The following NR2F1-AS1 variants were observed in gnomAD, a reference collection of about 807,000 sequenced individuals.
The protein encoded by NR2F1-AS1 is NR2F1 antisense RNA 1.
intron 4 of NR2F1-AS1, among the ~76,000 whole-genome samples, chr5:93,547,552 C>T (rs1292281262): frequency 6.6e-6 from 1 of 151,982 alleles, no homozygotes; most frequent in East Asian, 1.9e-4. Context: ...GCAAGGAGGC[C>T]TAGAATAATA....
At chr5:93,512,715 CTA>C (rs1300452341) in intron 4 of NR2F1-AS1, among the ~76,000 whole-genome samples, 1 of 152,034 alleles carries the variant, frequency 6.6e-6, no homozygotes, top group Non-Finnish European at 1.5e-5. Flanking sequence ...CGTAGTTTTT[CTA>C]TGTTTTGATA....
chr5:93,412,280 G>C (rs1748873544), intron 4 of NR2F1-AS1, among the ~76,000 whole-genome samples: 1 of 152,104 alleles, frequency 6.6e-6, no homozygotes, highest in South Asian at 2.1e-4. Flanking sequence ...TGGCCTCCTA[G>C]CTAGGCCTAG....
chr5:93,511,430 G>A (rs1751293381), intron 4 of NR2F1-AS1, among the ~76,000 whole-genome samples: 2 of 152,148 alleles, frequency 1.3e-5, no homozygotes, highest in Admixed American at 6.6e-5. Flanking sequence ...AGCTTGCAAG[G>A]AGCAGATCAC....
intron 4 of NR2F1-AS1, among the ~76,000 whole-genome samples, chr5:93,426,553 T>A (rs1156269044): frequency 6.6e-6 from 1 of 152,202 alleles, no homozygotes; most frequent in Non-Finnish European, 1.5e-5. Flanking sequence ...TACTGACAAT[T>A]CATTTTGTGC....
chr5:93,506,964 A>G (rs1470897984), intron 4 of NR2F1-AS1, among the ~76,000 whole-genome samples: 1 of 152,184 alleles, frequency 6.6e-6, no homozygotes, highest in East Asian at 1.9e-4. Context: ...ATATCATCTA[A>G]ATGTCTATGT....
At chr5:93,449,324 T>C (rs1218493957) in intron 4 of NR2F1-AS1, among the ~76,000 whole-genome samples, 1 of 152,148 alleles carries the variant, frequency 6.6e-6, no homozygotes, top group Non-Finnish European at 1.5e-5. Flanking sequence ...AGAGTTTATA[T>C]TTACCAATAC....
At chr5:93,529,545 G>A (rs760120986) in intron 4 of NR2F1-AS1, among the ~76,000 whole-genome samples, 11 of 151,888 alleles carry the variant, frequency 7.2e-5, no homozygotes, top group Non-Finnish European at 1.3e-4. Flanking sequence ...TCTTTTCCTG[G>A]GGAGTCAAGG....
intron 4 of NR2F1-AS1, among the ~76,000 whole-genome samples, chr5:93,490,078 T>C (rs1750804304): frequency 6.6e-6 from 1 of 152,194 alleles, no homozygotes; most frequent in Non-Finnish European, 1.5e-5. Flanking sequence ...TGAGCATATG[T>C]GTTACTTGGT....
At chr5:93,552,263 A>T (rs914857348) in intron 4 of NR2F1-AS1, among the ~76,000 whole-genome samples, 1 of 152,188 alleles carries the variant, frequency 6.6e-6, no homozygotes, top group Non-Finnish European at 1.5e-5. Flanking sequence ...GAGGACTTCA[A>T]AGTGTTCACC....
chr5:93,425,458 T>A (rs868095675), intron 4 of NR2F1-AS1, among the ~76,000 whole-genome samples: 2 of 152,156 alleles, frequency 1.3e-5, no homozygotes, highest in Non-Finnish European at 2.9e-5. Context: ...CTAGATTCAG[T>A]AGAGAAAGAG....
intron 4 of NR2F1-AS1, among the ~76,000 whole-genome samples, chr5:93,457,622 C>G (rs1749981028): frequency 6.6e-6 from 1 of 152,264 alleles, no homozygotes; most frequent in South Asian, 2.1e-4. Context: ...GTCATCATGG[C>G]TTGTCCTCGA....
chr5:93,546,612 C>A (rs1247008677), intron 4 of NR2F1-AS1, among the ~76,000 whole-genome samples: 1 of 152,078 alleles, frequency 6.6e-6, no homozygotes, highest in Non-Finnish European at 1.5e-5. Flanking sequence ...ACAGAGCATT[C>A]AATAAATATT....
intron 4 of NR2F1-AS1, among the ~76,000 whole-genome samples, chr5:93,491,369 G>T (rs1485139142): frequency 6.6e-6 from 1 of 150,984 alleles, no homozygotes. Context: ...TGGTGATGGT[G>T]GGGGGGTGGT....
intron 4 of NR2F1-AS1, among the ~76,000 whole-genome samples, chr5:93,507,330 T>TTTTTG (rs140764241): frequency 0.028 from 4,193 of 149,988 alleles, 153 homozygotes; most frequent in African/African-American, 0.087. Flanking sequence ...TTTGGGGTTT[T>TTTTTG]TTTTGTTTTG....
intron 4 of NR2F1-AS1, among the ~76,000 whole-genome samples, chr5:93,536,724 A>C (rs1318599305): frequency 6.6e-6 from 1 of 152,236 alleles, no homozygotes; most frequent in Non-Finnish European, 1.5e-5. Flanking sequence ...GAGAAAACTG[A>C]ATATCCATAT....
chr5:93,514,620 C>A (rs1455505755), intron 4 of NR2F1-AS1, among the ~76,000 whole-genome samples: 9 of 152,076 alleles, frequency 5.9e-5, no homozygotes, highest in Non-Finnish European at 1.3e-4. Context: ...TAACATATCT[C>A]TTTTATTTCA....
At chr5:93,489,806 A>G (rs1750799547) in intron 4 of NR2F1-AS1, among the ~76,000 whole-genome samples, 1 of 152,206 alleles carries the variant, frequency 6.6e-6, no homozygotes, top group Non-Finnish European at 1.5e-5. Context: ...CCGCGGTAAG[A>G]GATCACATCT....
intron 1 of NR2F1-AS1, among the ~76,000 whole-genome samples, chr5:93,578,491 G>A (rs1207913711): frequency 6.6e-6 from 1 of 152,044 alleles, no homozygotes; most frequent in Non-Finnish European, 1.5e-5. Context: ...CGGGAGCCCA[G>A]GCCCCGGCAA....
rs78455822 is a variant in NR2F1-AS1 at position 93,558,001 on chromosome 5, G to A, written n.414-3006C>T. ...TCCGTAAGAAACAACTCATCCATTCGAGTTTAATCATGTAATTGCAGCAAT... is the reference window on the plus strand; with the variant it reads ...TCCGTAAGAAACAACTCATCCATTCAAGTTTAATCATGTAATTGCAGCAAT... On this transcript the variant is annotated intron_variant and non_coding_transcript_variant, in intron 2 of 5. Coordinates refer to ENST00000660523, the Ensembl canonical transcript of NR2F1-AS1. 6.8e-3 allele frequency among the ~76,000 whole-genome samples: 1,034 copies of A among 152,088 alleles called. 13 individuals carry two copies. Among genetic ancestry groups the A allele is most frequent in the African/African-American group, 0.024 (990 of 41,472 alleles).
Sources: gnomAD v4.1 joint callset for allele counts (sites outside exome capture counted in the v4.1 genomes callset) on GRCh38, gnomAD v4.1.1 for gene constraint, MANE v1.5 for transcripts, NCBI Gene and HGNC (gene_info 2026-07-23, HGNC 2026-07-21) for gene names.